The following GOLIM4 variants were observed in gnomAD, a reference collection of about 807,000 sequenced individuals.
GOLIM4 encodes the protein golgi integral membrane protein 4, also known as 130 kDa golgi-localized phosphoprotein.
A neutral mutation model predicts 107.4 loss-of-function variants in GOLIM4; 71 were observed. That is an observed-to-expected ratio of 0.66 (90% confidence interval 0.55 to 0.81). The LOEUF is 0.81. Among genes scored for constraint, GOLIM4 ranks in the 30% least tolerant of loss-of-function variants. GOLIM4 has a pLI of 0.00. For synonymous variants in GOLIM4, 327 were observed against 294.8 expected (o/e 1.11, Z -1.12); for missense variants, 830 against 826.1 (o/e 1.00, Z -0.06).
rs761724590 is a variant in GOLIM4, at chr3:168,095,225, T to TCAG, written c.58_60dup (p.Leu20dup). The TCAG allele has an allele frequency of 4.5e-5, 72 of 1,613,350 alleles. No individual in the cohort carries two copies. Among genetic ancestry groups the TCAG allele is most frequent in the Admixed American group, 1.0e-4 (6 of 60,002 alleles). ...CCGTAGAGAAAGCCGAACACGACGG[T>TCAG]CAGCAGCAGCAGCGTCTGGAAAATC... On this transcript the variant is annotated inframe_insertion, in exon 1 of 16. Transcript: ENST00000470487.
At chr3:168,065,648 T>C (rs1489695896) in intron 1 of GOLIM4, among the ~76,000 whole-genome samples, 1 of 152,174 alleles carries the variant, frequency 6.6e-6, no homozygotes, top group African/African-American at 2.4e-5. Flanking sequence ...GACTTTCCAT[T>C]CACTTTTCCC....
At chr3:168,012,905 G>T (rs567841453) in intron 14 of GOLIM4, among the ~76,000 whole-genome samples, 1 of 150,966 alleles carries the variant, frequency 6.6e-6, no homozygotes, top group African/African-American at 2.5e-5. Context: ...AACATGGAAA[G>T]GAACAACCGG....
intron 6 of GOLIM4, 153 bp from the exon 7 acceptor site, chr3:168,041,022 A>T: frequency 1.7e-6 from 1 of 576,950 alleles, no homozygotes; most frequent in Non-Finnish European, 3.1e-6. Context: ...TAGAGAGAAC[A>T]CTACGCTTTA....
At chr3:168,077,362 T>C (rs1194680631) in intron 1 of GOLIM4, among the ~76,000 whole-genome samples, 2 of 152,206 alleles carry the variant, frequency 1.3e-5, no homozygotes, top group East Asian at 1.9e-4. Context: ...ACTTGCCCTT[T>C]TGTGGTTCCT....
chr3:168,095,616 T>C lies in GOLIM4; in HGVS notation c.-331A>G. The C allele has an allele frequency of 3.7e-6, 1 of 271,538 alleles. No homozygotes were observed. Among genetic ancestry groups the C allele is most frequent in the Non-Finnish European group, 6.9e-6 (1 of 144,376 alleles). 16.8% of individuals were successfully genotyped at this position (271,538 alleles called of 1,614,324 possible). Reference sequence around the variant, plus strand: ...CCAGATGCCTCCTGCCTTTTTTCCTTCTTCCCACTTTTTGGCCCCGCTGCC... The same window carrying C: ...CCAGATGCCTCCTGCCTTTTTTCCTCCTTCCCACTTTTTGGCCCCGCTGCC... On this transcript the variant is annotated 5_prime_UTR_variant, in exon 1 of 16. Transcript: ENST00000470487.
intron 4 of GOLIM4, 49 bp from the exon 5 acceptor site, chr3:168,043,578 G>A (rs774943502): frequency 4.7e-6 from 7 of 1,477,820 alleles, no homozygotes; most frequent in East Asian, 2.3e-5. Flanking sequence ...TGAATTATAT[G>A]AGAGTCTATT....
chr3:168,087,340 T>C (rs2108294842), intron 1 of GOLIM4, among the ~76,000 whole-genome samples: 1 of 152,232 alleles, frequency 6.6e-6, no homozygotes, highest in Non-Finnish European at 1.5e-5. Flanking sequence ...CTGCCTAACG[T>C]CTATTCTCTT....
intron 1 of GOLIM4, among the ~76,000 whole-genome samples, chr3:168,053,016 CT>C (rs1719742631): frequency 1.3e-5 from 2 of 152,308 alleles, no homozygotes; most frequent in African/African-American, 4.8e-5. Flanking sequence ...TAATACTCAT[CT>C]CATCTCCTGC....
chr3:168,082,098 T>C (rs1721398313), intron 1 of GOLIM4, among the ~76,000 whole-genome samples: 1 of 152,136 alleles, frequency 6.6e-6, no homozygotes, highest in African/African-American at 2.4e-5. Flanking sequence ...TCTTAACCTT[T>C]TTCAGGTCAA....
intron 7 of GOLIM4, among the ~76,000 whole-genome samples, chr3:168,037,670 CT>C: frequency 6.6e-6 from 1 of 152,250 alleles, no homozygotes; most frequent in East Asian, 1.9e-4. Context: ...GACAAAGGTA[CT>C]AACACAGGTA....
intron 10 of GOLIM4, 83 bp from the exon 11 acceptor site, chr3:168,029,385 A>G: frequency 1.2e-6 from 1 of 828,508 alleles, no homozygotes; most frequent in Non-Finnish European, 1.9e-6. Context: ...CTTTAAAGAC[A>G]GTAATAAGTA....
chr3:168,039,341 C>A (rs1052068178), intron 7 of GOLIM4, among the ~76,000 whole-genome samples: 2 of 150,672 alleles, frequency 1.3e-5, no homozygotes, highest in African/African-American at 4.9e-5. Context: ...CGGCTCACTG[C>A]AGCCTCCGCC....
At chr3:168,030,358 T>C (rs1043736865) in intron 9 of GOLIM4, among the ~76,000 whole-genome samples, 3 of 152,188 alleles carry the variant, frequency 2.0e-5, no homozygotes. Context: ...GGCTCTGATA[T>C]AAACAAGTAG....
intron 1 of GOLIM4, among the ~76,000 whole-genome samples, chr3:168,070,614 T>A (rs1267643262): frequency 6.6e-6 from 1 of 152,240 alleles, no homozygotes; most frequent in East Asian, 1.9e-4. Context: ...GAATTGTTTT[T>A]ACTATTCTCT....
intron 1 of GOLIM4, among the ~76,000 whole-genome samples, chr3:168,072,566 G>A (rs1720886632): frequency 6.6e-6 from 1 of 151,030 alleles, no homozygotes; most frequent in Non-Finnish European, 1.5e-5. Context: ...AAGCATAGGG[G>A]AATATCAGAC....
At chr3:168,032,461 A>T (rs560067316) in intron 9 of GOLIM4, 59 bp downstream of exon 9, 173 of 1,229,184 alleles carry the variant, frequency 1.4e-4, no homozygotes, top group Non-Finnish European at 1.9e-4. Flanking sequence ...CTTAATATGT[A>T]AAAATAAAGC....
chr3:168,029,447 T>G (rs146029621), intron 10 of GOLIM4, 145 bp from the exon 11 acceptor site: 6 of 559,984 alleles, frequency 1.1e-5, no homozygotes, highest in Non-Finnish European at 1.8e-5. Context: ...AAACCTCTTA[T>G]GTATGCAATT....
chr3:168,068,951 C>T (rs1439394544), intron 1 of GOLIM4, among the ~76,000 whole-genome samples: 1 of 151,976 alleles, frequency 6.6e-6, no homozygotes, highest in East Asian at 1.9e-4. Context: ...ATTCTCCTGC[C>T]TCAGCCTCCT....
At chr3:168,042,783 T>C (rs1306085484) in intron 5 of GOLIM4, among the ~76,000 whole-genome samples, 2 of 152,222 alleles carry the variant, frequency 1.3e-5, no homozygotes, top group East Asian at 3.8e-4. Context: ...TTATGTAAAT[T>C]ATTTCTCACA....
Sources: allele counts gnomAD v4.1 joint callset (sites outside exome capture counted in the v4.1 genomes callset), GRCh38; gene constraint gnomAD v4.1.1; transcripts MANE v1.5; gene names NCBI Gene and HGNC (gene_info 2026-07-23, HGNC 2026-07-21).